ARHGAP15: variants seen among roughly 807,000 people sequenced by gnomAD.
ARHGAP15 encodes the protein rho GTPase-activating protein 15.
A neutral mutation model predicts 63.7 loss-of-function variants in ARHGAP15; 51 were observed. That is an observed-to-expected ratio of 0.80 (90% CI 0.64 to 1.01). The LOEUF (loss-of-function observed/expected upper bound fraction) is 1.01, where lower values mean the gene tolerates loss of function less well. ARHGAP15 is among the 50% of genes least tolerant of loss of function. ARHGAP15 has a pLI of 0.00. For synonymous variants in ARHGAP15, 191 were observed against 193.8 expected (o/e 0.99, Z 0.12); for missense variants, 560 against 564.6 (o/e 0.99, Z 0.08).
chr2:143,574,977 G>C (rs775742181), intron 11 of ARHGAP15, among the ~76,000 whole-genome samples: 2 of 151,974 alleles, frequency 1.3e-5, no homozygotes, highest in Non-Finnish European at 2.9e-5. Flanking sequence ...ATTTACATTA[G>C]TTTTTTATGC....
chr2:143,524,039 G>A (rs1050219703), intron 10 of ARHGAP15, among the ~76,000 whole-genome samples: 4 of 152,070 alleles, frequency 2.6e-5, no homozygotes, highest in African/African-American at 4.8e-5. Context: ...TCTGGAACAC[G>A]AAATACTATG....
In ARHGAP15 at chr2:143,677,794, T is replaced by C. The variant is rs1364268913; in HGVS notation, c.1139-25625T>C. 3.3e-5 allele frequency among the ~76,000 whole-genome samples: 5 copies of C among 152,194 alleles called. No homozygotes were observed. The East Asian group carries it at 9.6e-4, about 29-fold the overall frequency. ...TCTTAAAACTCAAAGATACATAATA[T>C]GTAGTACCTGCATGCAAAATTCTAC... On this transcript the variant is annotated intron_variant, in intron 12 of 13. Transcript: ENST00000295095.
intron 12 of ARHGAP15, among the ~76,000 whole-genome samples, chr2:143,633,326 CTT>C (rs1341749687): frequency 6.6e-6 from 1 of 152,058 alleles, no homozygotes; most frequent in Non-Finnish European, 1.5e-5. Flanking sequence ...GCACAGGTGT[CTT>C]TTTGTAAGAA....
Position 143,768,069 on chromosome 2 carries a change from A to C in ARHGAP15, c.1325A>C (p.Glu442Ala). The change falls in exon 14 of 14, where the codon GAA (glutamate) becomes GCA (alanine). Residue 442 changes from glutamate to alanine, a missense_variant. By Grantham distance (107) the Glu-to-Ala change is moderately radical. Coordinates refer to ENST00000295095, the MANE Select transcript of ARHGAP15 (RefSeq NM_018460.4). Reference protein sequence around the residue: ...IVFGPTLLRAENETGNMAIHM... With the variant: ...IVFGPTLLRAANETGNMAIHM... ...TTTGGACCTACCCTTCTGCGAGCTG[A>C]AAATGAAACAGGAAACATGGCGATC... The C allele has an allele frequency of 1.2e-6, 2 of 1,613,852 alleles. No individual in the cohort carries two copies. The highest frequency in any genetic ancestry group is 2.7e-5 in the African/African-American group (2 of 75,020).
intron 2 of ARHGAP15, among the ~76,000 whole-genome samples, chr2:143,168,480 T>C (rs747496135): frequency 1.3e-5 from 2 of 152,166 alleles, no homozygotes; most frequent in African/African-American, 2.4e-5. Context: ...TGACTGGTCC[T>C]AATTTCAATT....
chr2:143,572,362 C>A (rs1696495607), intron 11 of ARHGAP15, among the ~76,000 whole-genome samples: 1 of 152,162 alleles, frequency 6.6e-6, no homozygotes, highest in Admixed American at 6.5e-5. Flanking sequence ...ACTGAGCCCA[C>A]TTTCTCCATA....
At chr2:143,136,211 AG>A (rs1689132167) in intron 1 of ARHGAP15, among the ~76,000 whole-genome samples, 3 of 152,146 alleles carry the variant, frequency 2.0e-5, no homozygotes, top group African/African-American at 7.2e-5. Context: ...ATCAGCAATA[AG>A]TAGAGCCTGT....
intron 6 of ARHGAP15, among the ~76,000 whole-genome samples, chr2:143,425,852 C>T (rs573748251): frequency 6.6e-6 from 1 of 152,222 alleles, no homozygotes; most frequent in East Asian, 1.9e-4. Context: ...AATTATGAGA[C>T]ACCAAAAGTA....
At chr2:143,521,070 C>T (rs1428272689) in intron 10 of ARHGAP15, among the ~76,000 whole-genome samples, 3 of 152,178 alleles carry the variant, frequency 2.0e-5, no homozygotes, top group Admixed American at 6.5e-5. Context: ...GGAGCAATCA[C>T]ATCTAGCATT....
intron 6 of ARHGAP15, among the ~76,000 whole-genome samples, chr2:143,405,345 G>A (rs944083529): frequency 6.7e-6 from 1 of 149,660 alleles, no homozygotes; most frequent in African/African-American, 2.5e-5. Context: ...TTATCATTTT[G>A]TGTTTTTTAT....
At chr2:143,260,031 AG>A (rs1341357903) in intron 6 of ARHGAP15, among the ~76,000 whole-genome samples, 1 of 152,190 alleles carries the variant, frequency 6.6e-6, no homozygotes, top group Non-Finnish European at 1.5e-5. Context: ...ATTTGACTTT[AG>A]AAATAATATA....
At chr2:143,195,343 C>G (rs1173224194) in intron 2 of ARHGAP15, among the ~76,000 whole-genome samples, 1 of 152,010 alleles carries the variant, frequency 6.6e-6, no homozygotes, top group Non-Finnish European at 1.5e-5. Context: ...AGGAACAAAA[C>G]AGAAAAATTG....
Position 143,228,632 on chromosome 2 carries a change from T to C in ARHGAP15, c.348T>C (p.Phe116=), listed in dbSNP as rs1391421146. Residue 116 remains phenylalanine (F), a synonymous_variant, in exon 5 of 14, where the codon TTT becomes TTC. Transcript: ENST00000295095. ...WIVLSSRRIE[F]YKESKQQALS... ...TTCTTTCTAGTCGAAGAATTGAATT[T>C]TACAAAGAATCCAAGCAACAGGCTC... 2.5e-6 allele frequency: 4 copies of C among 1,608,754 alleles called. No individual in the cohort carries two copies. The highest frequency in any genetic ancestry group is 1.7e-5 in the Admixed American group (1 of 59,418).
At chr2:143,263,907 C>CTTTTTTTTTTTTTTTTTTTTTTTTT (rs373296096) in intron 6 of ARHGAP15, among the ~76,000 whole-genome samples, 1 of 38,420 alleles carries the variant, frequency 2.6e-5, no homozygotes, top group African/African-American at 6.3e-5. Flanking sequence ...AAGCTGCAGT[C>CTTTTTTTTTTTTTTTTTTTTTTTTT]TTTTTTTTTT....
chr2:143,227,851 C>T (rs775776200), intron 4 of ARHGAP15, among the ~76,000 whole-genome samples: 8 of 151,978 alleles, frequency 5.3e-5, no homozygotes, highest in Admixed American at 2.0e-4. Context: ...AATTTAAATT[C>T]GTAGGGAATG....
chr2:143,226,840 C>T (rs552844334), intron 4 of ARHGAP15, among the ~76,000 whole-genome samples: 1 of 152,242 alleles, frequency 6.6e-6, no homozygotes, highest in African/African-American at 2.4e-5. Context: ...TAAGAAAGCT[C>T]CAGGCATATA....
At chr2:143,390,407 C>A (rs908379275) in intron 6 of ARHGAP15, among the ~76,000 whole-genome samples, 1 of 152,156 alleles carries the variant, frequency 6.6e-6, no homozygotes, top group African/African-American at 2.4e-5. Flanking sequence ...CTCCACATTA[C>A]CACCTGATCT....
chr2:143,725,231 T>C (rs543303902), intron 13 of ARHGAP15, among the ~76,000 whole-genome samples: 1 of 152,254 alleles, frequency 6.6e-6, no homozygotes, highest in South Asian at 2.1e-4. Flanking sequence ...TTTCATAGCC[T>C]GTTTCTTAAG....
chr2:143,528,979 A>G (rs998548873), intron 10 of ARHGAP15, among the ~76,000 whole-genome samples: 2 of 152,120 alleles, frequency 1.3e-5, no homozygotes, highest in African/African-American at 2.4e-5. Flanking sequence ...GGTGATCTCA[A>G]TTATACCTAA....
Sources: gnomAD v4.1 joint callset for allele counts (sites outside exome capture counted in the v4.1 genomes callset) on GRCh38, gnomAD v4.1.1 for gene constraint, MANE v1.5 for transcripts, NCBI Gene and HGNC (gene_info 2026-07-23, HGNC 2026-07-21) for gene names.